Variants in NFIA observed in about 807,000 individuals in gnomAD.
NFIA encodes the protein nuclear factor I A.
NFIA carries 8 observed loss-of-function variants against 62.8 expected under a neutral mutation model. That is an observed-to-expected ratio of 0.13 (90% CI 0.07 to 0.23). NFIA has a LOEUF of 0.23. NFIA is among the 10% of genes least tolerant of loss of function. NFIA has a pLI of 1.00. For missense variants in NFIA, 410 were observed against 642.1 expected (o/e 0.64, Z 3.91); for synonymous variants, 235 against 238.1 (o/e 0.99, Z 0.12).
rs187246711 is a variant in NFIA, at chr1:61,343,800, T to C, written c.701-8650T>C. On this transcript the variant is annotated intron_variant, in intron 4 of 10. Transcript: ENST00000403491. The stretch of plus-strand genomic sequence containing the variant: ...AGCTGCAGAGAAAGTACCTTTATGA[T>C]TGATTTCCATTCAAGTCAGACTGAC... Among the ~76,000 whole-genome samples the C allele has an allele frequency of 1.0e-3, 153 of 152,302 alleles. 1 individual carries two copies. Among genetic ancestry groups the C allele is most frequent in the Non-Finnish European group, 1.5e-3 (99 of 68,026 alleles).
chr1:61,344,028 T>A (rs1391014269), intron 4 of NFIA, among the ~76,000 whole-genome samples: 2 of 152,232 alleles, frequency 1.3e-5, no homozygotes, highest in Non-Finnish European at 2.9e-5. Flanking sequence ...CACAAATTGA[T>A]AAAATGAGTT....
intron 3 of NFIA, among the ~76,000 whole-genome samples, chr1:61,324,728 A>G (rs1660841936): frequency 6.6e-6 from 1 of 152,210 alleles, no homozygotes; most frequent in Non-Finnish European, 1.5e-5. Context: ...ATAGATGTTC[A>G]GTTCCTCCAT....
At chr1:61,377,909 T>C (rs1664229405) in intron 6 of NFIA, among the ~76,000 whole-genome samples, 1 of 152,178 alleles carries the variant, frequency 6.6e-6, no homozygotes, top group African/African-American at 2.4e-5. Flanking sequence ...TGTTGTTCGG[T>C]TGTCACTGGA....
chr1:61,342,399 G>C (rs746868421), intron 4 of NFIA, among the ~76,000 whole-genome samples: 1 of 152,126 alleles, frequency 6.6e-6, no homozygotes, highest in Non-Finnish European at 1.5e-5. Flanking sequence ...TGTCAGAGAA[G>C]ACTTAATCCC....
chr1:61,258,539 A>G (rs137981984), intron 2 of NFIA, among the ~76,000 whole-genome samples: 2 of 152,198 alleles, frequency 1.3e-5, no homozygotes, highest in East Asian at 1.9e-4. Flanking sequence ...ACTTCCTCAT[A>G]TGTGTACTGA....
intron 5 of NFIA, among the ~76,000 whole-genome samples, chr1:61,353,822 C>T (rs1662682621): frequency 6.6e-6 from 1 of 152,092 alleles, no homozygotes; most frequent in African/African-American, 2.4e-5. Context: ...GTATCAGCTC[C>T]TCAGGGGGAC....
intron 2 of NFIA, among the ~76,000 whole-genome samples, chr1:61,174,172 G>A (rs1650166618): frequency 6.6e-6 from 1 of 152,118 alleles, no homozygotes; most frequent in Non-Finnish European, 1.5e-5. Flanking sequence ...AGAAGGTGAG[G>A]GCATTATGCA....
intron 4 of NFIA, among the ~76,000 whole-genome samples, chr1:61,342,675 T>C (rs1399161847): frequency 6.6e-6 from 1 of 152,222 alleles, no homozygotes; most frequent in Non-Finnish European, 1.5e-5. Context: ...AATGATGAGA[T>C]AGAAGTTTTG....
chr1:61,195,500 C>T, intron 2 of NFIA, among the ~76,000 whole-genome samples: 1 of 152,218 alleles, frequency 6.6e-6, no homozygotes, highest in East Asian at 1.9e-4. Context: ...CCTCCTCTGT[C>T]TGTATATTAT....
chr1:61,248,366 A>G (rs1655787281), intron 2 of NFIA, among the ~76,000 whole-genome samples: 4 of 152,200 alleles, frequency 2.6e-5, no homozygotes, highest in African/African-American at 4.8e-5. Context: ...TGAAGCACAA[A>G]TTAGACAGTT....
chr1:61,384,517 C>G (rs1664581011), intron 7 of NFIA, among the ~76,000 whole-genome samples: 1 of 152,090 alleles, frequency 6.6e-6, no homozygotes, highest in Non-Finnish European at 1.5e-5. Context: ...GTGGTATAAT[C>G]AGAGAGGCTT....
At chr1:61,329,139 C>T (rs1661140265) in intron 3 of NFIA, among the ~76,000 whole-genome samples, 2 of 150,972 alleles carry the variant, frequency 1.3e-5, no homozygotes, top group African/African-American at 4.9e-5. Context: ...CCTCCGCCTC[C>T]CAGGTTCAAG....
At chr1:61,091,731 A>G (rs1023353223) in intron 2 of NFIA, among the ~76,000 whole-genome samples, 3 of 152,224 alleles carry the variant, frequency 2.0e-5, no homozygotes, top group African/African-American at 7.2e-5. Context: ...GCACGTGGCA[A>G]GGTCACAATT....
chr1:61,386,747 C>T (rs747238934), intron 7 of NFIA, among the ~76,000 whole-genome samples: 1 of 152,172 alleles, frequency 6.6e-6, no homozygotes, highest in Non-Finnish European at 1.5e-5. Flanking sequence ...AAACACAGGG[C>T]GTTGAAGGGA....
At chr1:61,197,368 A>G (rs1157037919) in intron 2 of NFIA, among the ~76,000 whole-genome samples, 1 of 148,612 alleles carries the variant, frequency 6.7e-6, no homozygotes, top group Non-Finnish European at 1.5e-5. Flanking sequence ...CCTCCTGAGT[A>G]GCTGGGATTA....
intron 4 of NFIA, among the ~76,000 whole-genome samples, chr1:61,350,312 C>A (rs1476383186): frequency 2.0e-5 from 3 of 152,068 alleles, no homozygotes; most frequent in African/African-American, 7.2e-5. Flanking sequence ...CTGCTGAATT[C>A]AAATTTATGT....
chr1:61,176,706 T>C (rs1650371911), intron 2 of NFIA, among the ~76,000 whole-genome samples: 1 of 152,156 alleles, frequency 6.6e-6, no homozygotes, highest in Admixed American at 6.6e-5. Flanking sequence ...TATAAAATGA[T>C]AGATGGATAT....
At chr1:61,423,190 A>G (rs192695856) in intron 9 of NFIA, among the ~76,000 whole-genome samples, 13 of 152,126 alleles carry the variant, frequency 8.5e-5, no homozygotes, top group East Asian at 1.9e-4. Context: ...ACATTCTTCA[A>G]TGTTAGGAAA....
At chr1:61,227,078 C>G (rs575558485) in intron 2 of NFIA, among the ~76,000 whole-genome samples, 1 of 152,158 alleles carries the variant, frequency 6.6e-6, no homozygotes, top group Non-Finnish European at 1.5e-5. Context: ...TGGTGTTGAA[C>G]CAGTGCCATA....
Sources: gnomAD v4.1 joint callset for allele counts (sites outside exome capture counted in the v4.1 genomes callset) on GRCh38, gnomAD v4.1.1 for gene constraint, MANE v1.5 for transcripts, NCBI Gene and HGNC (gene_info 2026-07-23, HGNC 2026-07-21) for gene names.